MAN1C1: variants seen among roughly 807,000 people sequenced by gnomAD.
The protein encoded by MAN1C1 is mannosidase alpha class 1C member 1.
In MAN1C1, 49 loss-of-function variants were observed where a neutral mutation model predicts 71.5. That is an observed-to-expected ratio of 0.69 (90% CI 0.54 to 0.87). The LOEUF (loss-of-function observed/expected upper bound fraction) is 0.87, where lower values mean the gene tolerates loss of function less well. MAN1C1 is among the 40% of genes least tolerant of loss of function. MAN1C1 has a pLI of 0.00. For synonymous variants in MAN1C1, 352 were observed against 343.7 expected, an observed-to-expected ratio of 1.02 and a Z score of -0.27; for missense variants, 743 against 835.0, an observed-to-expected ratio of 0.89 and a Z score of 1.36.
intron 1 of MAN1C1, among the ~76,000 whole-genome samples, chr1:25,638,559 T>C (rs1252772636): frequency 6.6e-6 from 1 of 152,174 alleles, no homozygotes; most frequent in Non-Finnish European, 1.5e-5. Flanking sequence ...AACATTTTTT[T>C]TGTAGTGTAG....
chr1:25,641,736 T>C (rs921831370), intron 1 of MAN1C1, among the ~76,000 whole-genome samples: 1 of 152,200 alleles, frequency 6.6e-6, no homozygotes, highest in Non-Finnish European at 1.5e-5. Flanking sequence ...GACCCACTTA[T>C]GGAAGAGGTT....
At chr1:25,644,518 A>ATATATATATATTTT (rs61386117) in intron 1 of MAN1C1, 1 of 40,290 alleles carries the variant, frequency 2.5e-5, no homozygotes, top group Non-Finnish European at 3.6e-5. Context: ...ATATATATAT[A>ATATATATATATTTT]TTTTTTTTTT....
chr1:25,675,488 G>A (rs1377533095), intron 1 of MAN1C1, among the ~76,000 whole-genome samples: 2 of 150,596 alleles, frequency 1.3e-5, no homozygotes, highest in African/African-American at 2.4e-5. Context: ...CTCATTGGTC[G>A]ATGGGCACTT....
chr1:25,635,309 T>C (rs1253638266), intron 1 of MAN1C1, among the ~76,000 whole-genome samples: 2 of 152,170 alleles, frequency 1.3e-5, no homozygotes, highest in African/African-American at 2.4e-5. Flanking sequence ...ATAACAGATA[T>C]AGGGTAGTCA....
chr1:25,764,299 G>C lies in MAN1C1; in HGVS notation c.1141+332G>C, dbSNP rs1024192185. On this transcript the variant is annotated intron_variant, in intron 7 of 11. Coordinates refer to ENST00000374332, the MANE Select transcript of MAN1C1 (RefSeq NM_020379.4). The surrounding 1 kb of genome is among the most constrained non-coding windows in gnomAD (Gnocchi z 4.4). ...CGGGAGCCTCCTGCATTATACCCCA[G>C]GTTCTCGGGAGGGTCCCAGGTGGAG... Among the ~76,000 whole-genome samples the C allele has an allele frequency of 1.3e-5, 2 of 152,174 alleles. No individual in the cohort carries two copies. Among genetic ancestry groups the C allele is most frequent in the Admixed American group, 1.3e-4 (2 of 15,272 alleles).
chr1:25,673,770 A>G (rs760233763), intron 1 of MAN1C1, among the ~76,000 whole-genome samples: 9 of 152,204 alleles, frequency 5.9e-5, no homozygotes, highest in Admixed American at 1.3e-4. Flanking sequence ...ATGACACAAT[A>G]TGTCCCATAA....
intron 1 of MAN1C1, among the ~76,000 whole-genome samples, chr1:25,633,361 C>G (rs892714370): frequency 4.6e-5 from 7 of 152,014 alleles, no homozygotes; most frequent in African/African-American, 1.5e-4. Context: ...GATGTTTTGT[C>G]TCAATGATCT....
chr1:25,671,313 A>G (rs1309955869), intron 1 of MAN1C1, among the ~76,000 whole-genome samples: 1 of 152,230 alleles, frequency 6.6e-6, no homozygotes, highest in Admixed American at 6.5e-5. Flanking sequence ...TGGGTGGCAC[A>G]CAGTAAGTGC....
At chr1:25,689,296 T>C (rs937902750) in intron 2 of MAN1C1, among the ~76,000 whole-genome samples, 4 of 152,174 alleles carry the variant, frequency 2.6e-5, no homozygotes, top group Admixed American at 1.3e-4. Context: ...TGGGCAGTCC[T>C]TACGGGCTGG....
In MAN1C1 at chr1:25,758,593, G is replaced by A; in HGVS notation, c.931G>A (p.Gly311Arg). ...IPKGVVSFKS[G>R]NWGWATAGSS... ...CGGGGGCTGCTTCTGTCTTTTCAGT[G>A]GGAACTGGGGCTGGGCCACAGCCGG... The change falls in exon 6 of 12, where the codon GGG (glycine) becomes AGG (arginine). Residue 311 changes from glycine to arginine, a missense_variant and splice_region_variant. Gly to Arg is a moderately radical substitution (Grantham distance 125). Coordinates refer to ENST00000374332, the MANE Select transcript of MAN1C1 (RefSeq NM_020379.4). 6.2e-7 allele frequency: 1 copy of A among 1,614,078 alleles called. No homozygotes were observed. Among genetic ancestry groups the A allele is most frequent in the Non-Finnish European group, 8.5e-7 (1 of 1,179,960 alleles).
intron 10 of MAN1C1, 85 bp downstream of exon 10, chr1:25,781,197 C>A (rs807273): frequency 0.8 from 1,201,781 of 1,494,658 alleles, 484,837 homozygotes; most frequent in East Asian, 0.98. Context: ...TGGCTTGGGC[C>A]TGGAGTGGAA....
Position 25,631,776 on chromosome 1 carries a change from A to C in MAN1C1, c.540+13439A>C, listed in dbSNP as rs1247731575. Reference sequence around the variant, plus strand: ...ACTGGCTTCGTAGAATGATTTAGGGAGGATTTCCTCTTTCTTAATCTTTTG... The same window carrying C: ...ACTGGCTTCGTAGAATGATTTAGGGCGGATTTCCTCTTTCTTAATCTTTTG... On this transcript the variant is annotated intron_variant, in intron 1 of 11. Transcript: ENST00000374332. The surrounding 1 kb of genome is among the most constrained non-coding windows in gnomAD (Gnocchi z 4.2). Among the ~76,000 whole-genome samples the C allele has an allele frequency of 6.6e-6, 1 of 152,002 alleles. No individual in the cohort carries two copies. Among genetic ancestry groups the C allele is most frequent in the African/African-American group, 2.4e-5 (1 of 41,360 alleles).
At chr1:25,635,795 T>G (rs571144538) in intron 1 of MAN1C1, among the ~76,000 whole-genome samples, 5 of 152,292 alleles carry the variant, frequency 3.3e-5, no homozygotes, top group African/African-American at 1.2e-4. Context: ...TATTCCTTCT[T>G]TAATTCCTGT....
intron 1 of MAN1C1, among the ~76,000 whole-genome samples, chr1:25,669,199 G>T (rs1003447299): frequency 1.3e-5 from 2 of 152,174 alleles, no homozygotes; most frequent in African/African-American, 4.8e-5. Context: ...ACAGGCCCCA[G>T]CAGGAAGTCC....
chr1:25,684,795 G>A (rs2046205428), intron 1 of MAN1C1, among the ~76,000 whole-genome samples: 1 of 152,254 alleles, frequency 6.6e-6, no homozygotes, highest in Non-Finnish European at 1.5e-5. Flanking sequence ...GGAGAGAGGA[G>A]GGGAAAGCCA....
intron 2 of MAN1C1, among the ~76,000 whole-genome samples, chr1:25,712,077 C>A (rs993126457): frequency 6.6e-6 from 1 of 152,166 alleles, no homozygotes; most frequent in African/African-American, 2.4e-5. Context: ...ATTTTGCAGT[C>A]ATAACAACAG....
Position 25,617,830 on chromosome 1 carries a change from GGCC to G in MAN1C1, c.34_36del (p.Ala12del). The G allele has an allele frequency of 6.2e-7, 1 of 1,604,574 alleles. No homozygotes were observed. The highest frequency in any genetic ancestry group is 8.5e-7 in the Non-Finnish European group (1 of 1,176,634). ...TGAGGAAAGTGCCCGGCTTCGTCCC[GGCC>G]TCCCCGTGGGGGCTGCGGCTGCCGC... is the stretch of plus-strand genomic sequence containing the variant. On this transcript the variant is annotated inframe_deletion, in exon 1 of 12. Coordinates refer to ENST00000374332, the MANE Select transcript of MAN1C1 (RefSeq NM_020379.4). This position sits in a 1 kb window ranked among gnomAD's most constrained non-coding sequence, Gnocchi z 5.1.
intron 7 of MAN1C1, among the ~76,000 whole-genome samples, chr1:25,766,284 T>C (rs1456684133): frequency 2.0e-5 from 3 of 151,964 alleles, no homozygotes; most frequent in African/African-American, 7.2e-5. Context: ...CCCAAACGTC[T>C]GCCTTCCTCC....
At chr1:25,686,602 T>C in intron 2 of MAN1C1, 66 bp downstream of exon 2, 1 of 1,447,828 alleles carries the variant, frequency 6.9e-7, no homozygotes, top group Admixed American at 1.7e-5. Flanking sequence ...CCGAGTGGAA[T>C]TTTACTTTTG....
Sources: allele counts gnomAD v4.1 joint callset (sites outside exome capture counted in the v4.1 genomes callset), GRCh38; gene constraint gnomAD v4.1.1; non-coding constraint Gnocchi (gnomAD v3.1); transcripts MANE v1.5; gene names NCBI Gene and HGNC (gene_info 2026-07-23, HGNC 2026-07-21).